Variants in KIAA0232 observed in about 807,000 individuals in gnomAD.
KIAA0232 encodes the protein KIAA0232.
KIAA0232 carries 27 observed loss-of-function variants against 122.0 expected under a neutral mutation model. The ratio of observed to expected loss-of-function variants is 0.22; its 90% CI spans 0.16 to 0.31. The LOEUF is 0.31. Among genes scored for constraint, KIAA0232 ranks in the 10% least tolerant of loss-of-function variants. The pLI, the probability that KIAA0232 is intolerant of heterozygous loss-of-function variation, is 1.00. For missense variants in KIAA0232, 1,551 were observed against 1,634.2 expected (o/e 0.95, Z 0.88); for synonymous variants, 613 against 587.6 (o/e 1.04, Z -0.63).
rs1207621217 is a variant in KIAA0232 at position 6,855,586 on chromosome 4, ATATAT to A, written c.370-1575_370-1571del. Among the ~76,000 whole-genome samples the A allele has an allele frequency of 6.6e-6, 1 of 151,924 alleles. No individual in the cohort carries two copies. The highest frequency in any genetic ancestry group is 1.5e-5 in the Non-Finnish European group (1 of 67,976). The stretch of plus-strand genomic sequence containing the variant: ...ACTCATATAGTATACATATTTACTC[ATATAT>A]TAATAAATATATGTGTGTATATGTA... On this transcript the variant is annotated intron_variant, in intron 4 of 9. Coordinates refer to ENST00000307659, the MANE Select transcript of KIAA0232 (RefSeq NM_014743.3). The surrounding 1 kb of genome is among the most constrained non-coding windows in gnomAD (Gnocchi z 4.3).
At chr4:6,794,688 A>C (rs1717054762) in intron 1 of KIAA0232, among the ~76,000 whole-genome samples, 1 of 152,120 alleles carries the variant, frequency 6.6e-6, no homozygotes. Context: ...AGAGGAGAGC[A>C]AGTGAAAGGC....
At position 6,863,822 on chromosome 4, in the gene KIAA0232, C is replaced by T. The variant is rs1393726291; in HGVS notation, c.3440C>T (p.Pro1147Leu). 8.1e-6 allele frequency: 13 copies of T among 1,613,896 alleles called. No individual in the cohort carries two copies. Among genetic ancestry groups the T allele is most frequent in the African/African-American group, 5.3e-5 (4 of 74,844 alleles). Residue 1147 changes from proline (P) to leucine (L), a missense_variant, in exon 7 of 10, where the codon CCG (proline) becomes CTG (leucine). Physicochemically the swap from Pro to Leu is moderately conservative, Grantham distance 98. This residue lies in a region of KIAA0232 where 1,108 missense variants were observed against 1,154.8 expected (regional missense o/e 0.96). Coordinates refer to ENST00000307659, the MANE Select transcript of KIAA0232 (RefSeq NM_014743.3). ...TCTCAAGTTGATATATTTGAAGATC[C>T]GCAGGCAGATCTCAAACCTTTGGAA... ...IPSQVDIFED[P>L]QADLKPLEED...
intron 3 of KIAA0232, among the ~76,000 whole-genome samples, chr4:6,826,744 C>T (rs1395618195): frequency 6.6e-6 from 1 of 152,176 alleles, no homozygotes; most frequent in African/African-American, 2.4e-5. Context: ...TTGAACTTCT[C>T]ATTTCTTAAG....
intron 1 of KIAA0232, among the ~76,000 whole-genome samples, chr4:6,785,212 C>T (rs1035171827): frequency 5.6e-4 from 85 of 152,338 alleles, no homozygotes; most frequent in African/African-American, 2.0e-3. Flanking sequence ...GCTGGGATTA[C>T]AGGCGTGAGC....
chr4:6,830,701 C>G (rs1718928865), intron 3 of KIAA0232, among the ~76,000 whole-genome samples: 1 of 152,026 alleles, frequency 6.6e-6, no homozygotes, highest in Admixed American at 6.6e-5. Flanking sequence ...GCTGCCATGC[C>G]CGGCCTGTTT....
chr4:6,815,838 G>C (rs1479448939), intron 2 of KIAA0232, among the ~76,000 whole-genome samples: 1 of 152,138 alleles, frequency 6.6e-6, no homozygotes. Context: ...TGCAAGCAAA[G>C]GTTTTAACCA....
intron 6 of KIAA0232, 133 bp downstream of exon 6, chr4:6,858,639 C>A: frequency 1.7e-6 from 1 of 591,116 alleles, no homozygotes; most frequent in East Asian, 3.1e-5. Flanking sequence ...ATTTATCGAG[C>A]GCTTATATGC....
intron 1 of KIAA0232, among the ~76,000 whole-genome samples, chr4:6,796,729 A>G (rs1268201611): frequency 6.6e-6 from 1 of 152,218 alleles, no homozygotes; most frequent in Admixed American, 6.5e-5. Flanking sequence ...TCAGCTTGTA[A>G]TCTTCACTTA....
intron 4 of KIAA0232, among the ~76,000 whole-genome samples, chr4:6,846,021 C>T (rs531017907): frequency 6.6e-6 from 1 of 151,782 alleles, no homozygotes; most frequent in East Asian, 1.9e-4. Context: ...CTTTGCTTGG[C>T]TGTCATAGGC....
At chr4:6,845,279 C>T (rs929412527) in intron 4 of KIAA0232, among the ~76,000 whole-genome samples, 2 of 152,206 alleles carry the variant, frequency 1.3e-5, no homozygotes, top group East Asian at 1.9e-4. Flanking sequence ...ATCACTTCAG[C>T]AGGGGCTGTG....
At chr4:6,820,523 T>C (rs1375989224) in intron 2 of KIAA0232, among the ~76,000 whole-genome samples, 1 of 152,212 alleles carries the variant, frequency 6.6e-6, no homozygotes, top group Non-Finnish European at 1.5e-5. Context: ...GCTATGTTAT[T>C]AGAATTTGTC....
At chr4:6,860,545 G>C (rs1399630860) in intron 6 of KIAA0232, among the ~76,000 whole-genome samples, 3 of 152,238 alleles carry the variant, frequency 2.0e-5, no homozygotes, top group Admixed American at 6.5e-5. Context: ...ACTTAGCTGA[G>C]ATTCAAATTC....
In KIAA0232 at chr4:6,862,091, C is replaced by G. The variant is rs765759315; in HGVS notation, c.1709C>G (p.Ser570Cys). Residue 570 changes from serine (S) to cysteine (C), a missense_variant, in exon 7 of 10, where the codon TCT (serine) becomes TGT (cysteine). By Grantham distance (112) the Ser-to-Cys change is moderately radical. This residue lies in a region of KIAA0232 where 1,108 missense variants were observed against 1,154.8 expected (regional missense o/e 0.96). Transcript: ENST00000307659. ...GGGGAACGTGCAATATGGACAGATT[C>G]TACCAGCTCCGTAGGTGCTGAGGGC... ...LQGERAIWTD[S>C]TSSVGAEGLF... The G allele has an allele frequency of 6.8e-6, 11 of 1,614,162 alleles. No individual in the cohort carries two copies. Among genetic ancestry groups the G allele is most frequent in the Admixed American group, 1.7e-5 (1 of 60,022 alleles).
intron 9 of KIAA0232, among the ~76,000 whole-genome samples, chr4:6,878,329 C>G (rs146213700): frequency 6.6e-6 from 1 of 152,048 alleles, no homozygotes; most frequent in African/African-American, 2.4e-5. Context: ...GAGCTGAGAT[C>G]GCACCACTGC....
intron 3 of KIAA0232, among the ~76,000 whole-genome samples, chr4:6,825,599 G>T (rs1407164987): frequency 6.6e-6 from 1 of 151,970 alleles, no homozygotes; most frequent in Non-Finnish European, 1.5e-5. Flanking sequence ...GAGAGAAAGA[G>T]AAAGCAAGAG....
chr4:6,814,994 T>A (rs1049892101), intron 2 of KIAA0232, among the ~76,000 whole-genome samples: 2 of 152,100 alleles, frequency 1.3e-5, no homozygotes, highest in African/African-American at 4.8e-5. Flanking sequence ...GATAAGATGA[T>A]TTGAAGGTCC....
In KIAA0232 at chr4:6,861,075, C is replaced by G. The variant is rs1462692510; in HGVS notation, c.693C>G (p.Val231=). 1.9e-6 allele frequency: 3 copies of G among 1,614,026 alleles called. No homozygotes were observed. Among genetic ancestry groups the G allele is most frequent in the Non-Finnish European group, 2.5e-6 (3 of 1,180,044 alleles). ...AGGACTGCAACAGTGAAAGTGAAGT[C>G]ACCAAGGAAAGAAGCAGTGAAGTAC... ...SPKDCNSESE[V]TKERSSEVPT... Residue 231 remains valine (V), a synonymous_variant, in exon 7 of 10, where the codon GTC becomes GTG. Coordinates refer to ENST00000307659, the MANE Select transcript of KIAA0232 (RefSeq NM_014743.3).
intron 3 of KIAA0232, among the ~76,000 whole-genome samples, chr4:6,833,176 T>C (rs1184079246): frequency 6.6e-6 from 1 of 152,208 alleles, no homozygotes; most frequent in Non-Finnish European, 1.5e-5. Flanking sequence ...AGTCTGACCA[T>C]AAAGCGCTCC....
intron 3 of KIAA0232, among the ~76,000 whole-genome samples, chr4:6,835,787 A>G (rs962946829): frequency 6.6e-6 from 1 of 152,202 alleles, no homozygotes; most frequent in Admixed American, 6.5e-5. Flanking sequence ...GTCCCTGCAA[A>G]GGACATGAAC....
Sources: allele counts gnomAD v4.1 joint callset (sites outside exome capture counted in the v4.1 genomes callset), GRCh38; gene constraint gnomAD v4.1.1; regional missense constraint gnomAD v4.1.1; non-coding constraint Gnocchi (gnomAD v3.1); transcripts MANE v1.5; gene names NCBI Gene and HGNC (gene_info 2026-07-23, HGNC 2026-07-21).